Variants in PRMT2 observed in about 807,000 individuals in gnomAD.
PRMT2 encodes the protein protein arginine N-methyltransferase 2.
PRMT2 carries 26 observed loss-of-function variants against 57.6 expected under a neutral mutation model. That is an observed-to-expected ratio of 0.45 (90% confidence interval 0.33 to 0.63). The LOEUF (loss-of-function observed/expected upper bound fraction) is 0.63. PRMT2 is among the 20% of genes least tolerant of loss of function. The pLI is 0.02. For missense variants in PRMT2, 472 were observed against 564.4 expected (o/e 0.84, Z 1.66); for synonymous variants, 219 against 220.0 (o/e 1.00, Z 0.04).
intron 3 of PRMT2, among the ~76,000 whole-genome samples, chr21:46,641,646 T>G (rs1183881302): frequency 6.6e-6 from 1 of 151,814 alleles, no homozygotes; most frequent in South Asian, 2.1e-4. Flanking sequence ...GAGCCGAGAT[T>G]GTGCCACTGC....
chr21:46,657,040 A>C (rs539251824), intron 7 of PRMT2: 47 of 152,364 alleles, frequency 3.1e-4, no homozygotes, highest in African/African-American at 1.0e-3. Context: ...ACAGATATCA[A>C]ATACACACAT....
chr21:46,652,526 A>G, intron 7 of PRMT2: 1 of 985,428 alleles, frequency 1.0e-6, no homozygotes, highest in Non-Finnish European at 1.2e-6. Flanking sequence ...CAACAATTTG[A>G]AAGTAACTGT....
Position 46,649,249 on chromosome 21 carries a change from G to A in PRMT2, c.490-326G>A, listed in dbSNP as rs915221816. 3.3e-5 allele frequency among the ~76,000 whole-genome samples: 5 copies of A among 152,234 alleles called. No homozygotes were observed. The highest frequency in any genetic ancestry group is 6.5e-5 in the Admixed American group (1 of 15,288). On this transcript the variant is annotated intron_variant, in intron 6 of 11. Transcript: ENST00000355680. The surrounding 1 kb of genome is among the most constrained non-coding windows in gnomAD (Gnocchi z 4.8). ...GGCACAGACCAGCATTGTCACTTGG[G>A]TGCTAAGAAGTTGCTGTGCTGGTCA...
intron 11 of PRMT2, 91 bp downstream of exon 11, chr21:46,663,645 C>G (rs1401313381): frequency 7.4e-7 from 1 of 1,343,262 alleles, no homozygotes; most frequent in African/African-American, 1.4e-5. Context: ...GATGCTGGCC[C>G]ACACTGGGGT....
intron 7 of PRMT2, chr21:46,651,774 C>T (rs779825939): frequency 3.9e-5 from 63 of 1,610,668 alleles, no homozygotes; most frequent in Admixed American, 6.7e-5. Context: ...GTCGTTGGTG[C>T]GGTTGTACCC....
intron 7 of PRMT2, chr21:46,658,468 G>C: frequency 2.6e-6 from 1 of 382,714 alleles, no homozygotes. Context: ...GATGGGACAA[G>C]AGTGAAGATT....
At chr21:46,652,241 T>C (rs1278191955) in intron 7 of PRMT2, 1 of 1,369,694 alleles carries the variant, frequency 7.3e-7, no homozygotes, top group Non-Finnish European at 9.4e-7. Context: ...TACAAGTTTA[T>C]TTGTTGTTAG....
At chr21:46,655,922 C>T (rs1056458902) in intron 7 of PRMT2, among the ~76,000 whole-genome samples, 3 of 152,112 alleles carry the variant, frequency 2.0e-5, no homozygotes, top group South Asian at 2.1e-4. Context: ...AGGATTTGTT[C>T]TTATAGATAA....
chr21:46,649,367 G>A lies in PRMT2; in HGVS notation c.490-208G>A. On this transcript the variant is annotated intron_variant, in intron 6 of 11. Transcript: ENST00000355680. This position sits in a 1 kb window ranked among gnomAD's most constrained non-coding sequence, Gnocchi z 4.8. Reference sequence around the variant, plus strand: ...TGCGTCTGTGTCTTGTCCGGGAGGTGGGGGCAGTTGGGAGGGTTAGAGGCG... The same window carrying A: ...TGCGTCTGTGTCTTGTCCGGGAGGTAGGGGCAGTTGGGAGGGTTAGAGGCG... 1.4e-6 allele frequency: 1 copy of A among 724,212 alleles called. No individual in the cohort carries two copies. The allele number at this position is 724,212 out of a possible 1,614,324, so 44.9% of individuals were successfully genotyped here.
At chr21:46,661,997 C>CAGGGATGGGGCGCGCAGGA (rs2061633769) in intron 10 of PRMT2, 61 bp downstream of exon 10, 1 of 15,186 alleles carries the variant, frequency 6.6e-5, no homozygotes, top group African/African-American at 2.4e-4. Flanking sequence ...AGGCGGGGTG[C>CAGGGATGGGGCGCGCAGGA]GGGGATGGGG....
In PRMT2 at chr21:46,649,047, T is replaced by G. The variant is rs1294749825; in HGVS notation, c.489+428T>G. On this transcript the variant is annotated intron_variant, in intron 6 of 11. Coordinates refer to ENST00000355680, the MANE Select transcript of PRMT2 (RefSeq NM_206962.4). This position sits in a 1 kb window ranked among gnomAD's most constrained non-coding sequence, Gnocchi z 4.8. ...CCCACCCCTCTTAGGCCGTCTATAC[T>G]GTGCTGAGCTGAGCCGAGCTGCAGC... 6.6e-6 allele frequency among the ~76,000 whole-genome samples: 1 copy of G among 152,110 alleles called. No homozygotes were observed. The highest frequency in any genetic ancestry group is 2.4e-5 in the African/African-American group (1 of 41,420).
At chr21:46,638,662 G>A (rs56676316) in intron 3 of PRMT2, among the ~76,000 whole-genome samples, 1 of 152,118 alleles carries the variant, frequency 6.6e-6, no homozygotes, top group Non-Finnish European at 1.5e-5. Context: ...GGTTAGAAAT[G>A]GTATTTTGTT....
Position 46,653,325 on chromosome 21 carries a change from G to T in PRMT2, c.654+3586G>T, listed in dbSNP as rs569066799. On this transcript the variant is annotated intron_variant, in intron 7 of 11. Coordinates refer to ENST00000355680, the MANE Select transcript of PRMT2 (RefSeq NM_206962.4). Reference sequence around the variant, plus strand: ...ATGAAAACAGGCACGTGGCCAGTAAGAATTTAATTTCATACCAATAACACT... The same window carrying T: ...ATGAAAACAGGCACGTGGCCAGTAATAATTTAATTTCATACCAATAACACT... 4.9e-5 allele frequency: 48 copies of T among 985,424 alleles called. No homozygotes were observed. The South Asian group carries it at 1.9e-3, about 40-fold the overall frequency. The allele number at this position is 985,424 out of a possible 1,614,324, so 61.0% of individuals were successfully genotyped here. A position where few individuals can be genotyped will look rare whatever the true frequency, so the allele number is the denominator to read the frequency against.
At chr21:46,659,113 G>T in intron 8 of PRMT2, 193 bp downstream of exon 8, 1 of 1,340,722 alleles carries the variant, frequency 7.5e-7, no homozygotes, top group Non-Finnish European at 9.5e-7. Context: ...CAGATGGGCA[G>T]AGCAGGGTAG....
chr21:46,659,439 C>T (rs1337582416), intron 8 of PRMT2: 2 of 985,416 alleles, frequency 2.0e-6, no homozygotes, highest in Non-Finnish European at 2.4e-6. Flanking sequence ...AGAGAAATCA[C>T]GTGCTGTCAG....
chr21:46,653,738 C>T (rs2061497581), intron 7 of PRMT2: 6 of 1,199,292 alleles, frequency 5.0e-6, no homozygotes, highest in South Asian at 1.7e-5. Context: ...ACCATCAACT[C>T]TTCTGGATTC....
chr21:46,661,773 G>T, intron 9 of PRMT2, 27 bp from the exon 10 acceptor site: 1 of 1,332,856 alleles, frequency 7.5e-7, no homozygotes, highest in Middle Eastern at 2.0e-4. Flanking sequence ...CGGTGCCCAC[G>T]CGTGCCTTGT....
At chr21:46,646,457 A>G (rs1315973888) in intron 5 of PRMT2, among the ~76,000 whole-genome samples, 1 of 152,130 alleles carries the variant, frequency 6.6e-6, no homozygotes, top group African/African-American at 2.4e-5. Flanking sequence ...TACGTTTTTA[A>G]TGTATAGAAA....
At chr21:46,658,715 G>A (rs899336902) in intron 7 of PRMT2, 30 bp from the exon 8 acceptor site, 8 of 1,609,586 alleles carry the variant, frequency 5.0e-6, no homozygotes, top group African/African-American at 1.3e-5. Flanking sequence ...CCTGTGATGT[G>A]TCTCCTGTGT....
Sources: allele counts gnomAD v4.1 joint callset (sites outside exome capture counted in the v4.1 genomes callset), GRCh38; gene constraint gnomAD v4.1.1; non-coding constraint Gnocchi (gnomAD v3.1); transcripts MANE v1.5; gene names NCBI Gene and HGNC (gene_info 2026-07-23, HGNC 2026-07-21).